Variants in CIP2A observed in about 807,000 individuals in gnomAD.
The protein encoded by CIP2A is protein CIP2A.
A neutral mutation model predicts 110.9 loss-of-function variants in CIP2A; 103 were observed. The ratio of observed to expected loss-of-function variants is 0.93; its 90% CI spans 0.79 to 1.09. The LOEUF (loss-of-function observed/expected upper bound fraction) is 1.09. Among genes scored for constraint, CIP2A ranks in the 50% least tolerant of loss-of-function variants. The pLI is 0.00. For synonymous variants in CIP2A, 381 were observed against 361.6 expected (o/e 1.05, Z -0.61); for missense variants, 1,088 against 1,038.4 (o/e 1.05, Z -0.66).
intron 8 of CIP2A, among the ~76,000 whole-genome samples, chr3:108,572,353 T>C (rs917133064): frequency 3.2e-4 from 48 of 152,160 alleles, no homozygotes; most frequent in African/African-American, 8.9e-4. Context: ...CAACCTGTCT[T>C]ATACTGATTT....
chr3:108,577,611 A>C (rs1380345946), intron 7 of CIP2A, among the ~76,000 whole-genome samples: 2 of 152,162 alleles, frequency 1.3e-5, no homozygotes, highest in African/African-American at 4.8e-5. Flanking sequence ...AAAAAATTTC[A>C]AAGACCGGCC....
chr3:108,582,079 T>C, intron 4 of CIP2A, 29 bp downstream of exon 4: 1 of 994,128 alleles, frequency 1.0e-6, no homozygotes, highest in Non-Finnish European at 1.5e-6. Flanking sequence ...AAATAAACTA[T>C]TTGGTTTTAT....
rs1937933910 is a variant in CIP2A, at chr3:108,559,743, T to A, written c.2013+14A>T. On this transcript the variant is annotated intron_variant, in intron 16 of 20. Coordinates refer to ENST00000295746, the MANE Select transcript of CIP2A (RefSeq NM_020890.3). ...TTTTTCTACAAATCAGATGTGTCTT[T>A]ATATTCTACACACCTCTGTTTCAGC... 1.4e-6 allele frequency: 2 copies of A among 1,450,408 alleles called. No individual in the cohort carries two copies. The highest frequency in any genetic ancestry group is 1.9e-6 in the Non-Finnish European group (2 of 1,062,464). 89.8% of individuals were successfully genotyped at this position (1,450,408 alleles called of 1,614,324 possible). A position where few individuals can be genotyped will look rare whatever the true frequency, so the allele number is the denominator to read the frequency against.
At chr3:108,570,454 C>T (rs558907689) in intron 8 of CIP2A, among the ~76,000 whole-genome samples, 2 of 152,140 alleles carry the variant, frequency 1.3e-5, no homozygotes, top group African/African-American at 2.4e-5. Flanking sequence ...TCATTAATTC[C>T]GTTGTGTGAA....
rs1274037883 is a variant in CIP2A at position 108,582,967 on chromosome 3, G to C, written c.357+10C>G. ...AAGGAAAGGGGAATACACTGTGTGG[G>C]TCTGTATACCTGCAAAAACACCGAA... On this transcript the variant is annotated intron_variant, in intron 3 of 20. Coordinates refer to ENST00000295746, the MANE Select transcript of CIP2A (RefSeq NM_020890.3). The C allele has an allele frequency of 1.3e-6, 2 of 1,560,132 alleles. No homozygotes were observed. Among genetic ancestry groups the C allele is most frequent in the Non-Finnish European group, 8.8e-7 (1 of 1,133,812 alleles).
Position 108,579,547 on chromosome 3 carries a change from T to C in CIP2A, c.672+19A>G, listed in dbSNP as rs866271689. The C allele has an allele frequency of 6.3e-7, 1 of 1,575,942 alleles. No individual in the cohort carries two copies. Among genetic ancestry groups the C allele is most frequent in the Non-Finnish European group, 8.6e-7 (1 of 1,160,778 alleles). On this transcript the variant is annotated intron_variant, in intron 6 of 20. Coordinates refer to ENST00000295746, the MANE Select transcript of CIP2A (RefSeq NM_020890.3). ...ATCAGACTATAAACTTCAGAATAAA[T>C]TTGAAAAATTGTATTTACCTTTTCC...
rs1034312071 is a variant in CIP2A, at chr3:108,553,913, A to C, written c.2325-183T>G. 5.4e-4 allele frequency among the ~76,000 whole-genome samples: 73 copies of C among 135,278 alleles called. 2 individuals carry two copies. Among genetic ancestry groups the C allele is most frequent in the African/African-American group, 1.6e-3 (62 of 37,826 alleles). The allele number at this position is 135,278 out of a possible 152,430, so 88.7% of individuals were successfully genotyped here. A position where few individuals can be genotyped will look rare whatever the true frequency, so the allele number is the denominator to read the frequency against. On this transcript the variant is annotated intron_variant, in intron 18 of 20. Coordinates refer to ENST00000295746, the MANE Select transcript of CIP2A (RefSeq NM_020890.3). ...TAAAAATATAAAAAAAAAAAAAAAA[A>C]AAAAAAGGTCTCGTTCTGTCACCCA...
At chr3:108,563,807 G>A (rs1938089600) in intron 12 of CIP2A, among the ~76,000 whole-genome samples, 1 of 151,896 alleles carries the variant, frequency 6.6e-6, no homozygotes, top group African/African-American at 2.4e-5. Context: ...ATTTTTTTCA[G>A]ATTTTAGAAT....
chr3:108,552,893 A>G (rs182963455), intron 19 of CIP2A, among the ~76,000 whole-genome samples: 10 of 152,232 alleles, frequency 6.6e-5, no homozygotes, highest in Admixed American at 2.6e-4. Flanking sequence ...AGACTTAAAG[A>G]TGGAACCAAT....
Position 108,585,158 on chromosome 3 carries a change from T to C in CIP2A, c.157A>G (p.Ser53Gly), listed in dbSNP as rs1357126945. ...RLFTSNQILT[S>G]ECLSCLVELL... is the part of the protein sequence containing the mutation. ...TCTACAAGGCAACTCAAGCATTCAC[T>C]TGTTAATATCTGATTTGATGTAAAT... Residue 53 changes from serine to glycine, a missense_variant, in exon 2 of 21, where the codon AGT (serine) becomes GGT (glycine). Coordinates refer to ENST00000295746, the MANE Select transcript of CIP2A (RefSeq NM_020890.3). 1.2e-6 allele frequency: 2 copies of C among 1,613,406 alleles called. No homozygotes were observed. Among genetic ancestry groups the C allele is most frequent in the Admixed American group, 3.3e-5 (2 of 60,018 alleles).
At chr3:108,557,526 T>A (rs1937852004) in intron 16 of CIP2A, 112 bp from the exon 17 acceptor site, 2 of 743,898 alleles carry the variant, frequency 2.7e-6, no homozygotes, top group South Asian at 6.7e-5. Flanking sequence ...ATCTGTTGGG[T>A]CATGCAAAGC....
intron 8 of CIP2A, among the ~76,000 whole-genome samples, chr3:108,571,193 T>C (rs2107342602): frequency 6.6e-6 from 1 of 152,252 alleles, no homozygotes; most frequent in African/African-American, 2.4e-5. Flanking sequence ...CCTGGCTGTT[T>C]TACAGTTAAC....
chr3:108,566,668 A>G, intron 10 of CIP2A, 30 bp from the exon 11 acceptor site: 1 of 1,462,174 alleles, frequency 6.8e-7, no homozygotes. Flanking sequence ...TACAACAAAA[A>G]AATTCTCACT....
rs748732809 is a variant in CIP2A, at chr3:108,563,145, G to A, written c.1615C>T (p.Pro539Ser). 1 of 1,608,758 alleles carries A rather than the reference G, an allele frequency of 6.2e-7. No homozygotes were observed. The highest frequency in any genetic ancestry group is 8.5e-7 in the Non-Finnish European group (1 of 1,175,410). ...LRILLEAAPLPDFPALVLGES... is the reference protein window; with the variant it reads ...LRILLEAAPLSDFPALVLGES... ...ACTCACACTAAAGCAGGAAAATCTGGCAGTGGAGCAGCCTCCAATAATATT... is the reference window on the plus strand; with the variant it reads ...ACTCACACTAAAGCAGGAAAATCTGACAGTGGAGCAGCCTCCAATAATATT... Residue 539 changes from proline to serine, a missense_variant, in exon 13 of 21, where the codon CCA becomes TCA. By Grantham distance (74) the Pro-to-Ser change is moderately conservative. Transcript: ENST00000295746.
chr3:108,575,288 G>A (rs533733123), intron 8 of CIP2A, among the ~76,000 whole-genome samples: 115 of 129,184 alleles, frequency 8.9e-4, no homozygotes, highest in African/African-American at 5.0e-3. Flanking sequence ...ACACGTGTAC[G>A]TACACACACG....
chr3:108,551,394 T>C (rs962262652), intron 20 of CIP2A, 75 bp from the exon 21 acceptor site: 1 of 1,021,104 alleles, frequency 9.8e-7, no homozygotes, highest in Admixed American at 3.0e-5. Context: ...ATACATATAT[T>C]TTAAGATGCT....
At chr3:108,552,456 CAA>C (rs1036169152) in intron 19 of CIP2A, 83 bp from the exon 20 acceptor site, 1 of 760,746 alleles carries the variant, frequency 1.3e-6, no homozygotes, top group African/African-American at 1.8e-5. Context: ...ACTGTAAGAG[CAA>C]AAGAGAAATA....
chr3:108,578,067 T>G (rs1190621193), intron 7 of CIP2A, among the ~76,000 whole-genome samples: 3 of 152,164 alleles, frequency 2.0e-5, no homozygotes, highest in African/African-American at 7.2e-5. Flanking sequence ...GGGTTATTGT[T>G]CAATGGCATA....
intron 5 of CIP2A, among the ~76,000 whole-genome samples, chr3:108,580,588 A>G (rs1240519801): frequency 6.6e-6 from 1 of 152,018 alleles, no homozygotes; most frequent in Non-Finnish European, 1.5e-5. Context: ...GAAATTGTTC[A>G]CCAAGCACCT....
Sources: allele counts gnomAD v4.1 joint callset (sites outside exome capture counted in the v4.1 genomes callset), GRCh38; gene constraint gnomAD v4.1.1; transcripts MANE v1.5; gene names NCBI Gene and HGNC (gene_info 2026-07-23, HGNC 2026-07-21).